The following PSD3 variants were observed in gnomAD, a reference collection of about 807,000 sequenced individuals.
The protein encoded by PSD3 is PH and SEC7 domain-containing protein 3.
Under a neutral mutation model 105.5 loss-of-function variants are expected in PSD3, and 49 were observed. The ratio of observed to expected loss-of-function variants is 0.46; its 90% confidence interval spans 0.37 to 0.59. The LOEUF (loss-of-function observed/expected upper bound fraction) is 0.59, where lower values mean the gene tolerates loss of function less well. Ranked by LOEUF, PSD3 falls within the 20% of genes least tolerant of loss-of-function variation. The probability of loss-of-function intolerance (pLI) is 0.00; values close to 1 mark genes in which losing one functional copy is unlikely to be tolerated. For missense variants in PSD3, 1,561 were observed against 1,263.8 expected (o/e 1.24, Z -3.57); for synonymous variants, 557 against 457.8 (o/e 1.22, Z -2.77).
intron 9 of PSD3, among the ~76,000 whole-genome samples, chr8:18,684,640 T>C (rs1800565595): frequency 6.6e-6 from 1 of 152,210 alleles, no homozygotes; most frequent in Non-Finnish European, 1.5e-5. Flanking sequence ...TCTTATGACC[T>C]TAGACTACGA....
At chr8:18,773,962 T>C (rs934165412) in intron 8 of PSD3, among the ~76,000 whole-genome samples, 6 of 152,218 alleles carry the variant, frequency 3.9e-5, no homozygotes, top group African/African-American at 1.4e-4. Context: ...GTTAAATTTA[T>C]TCTCTAATAT....
rs1168055052 is a variant in PSD3, at chr8:18,949,236, AAAAAAAAAATATATATATATATAT to A, written c.22-13118_22-13095del. On this transcript the variant is annotated intron_variant, in intron 1 of 15. Transcript: ENST00000327040. ...GACTCTGTCTCAAAAAAAAAAAAAA[AAAAAAAAAATATATATATATATAT>A]ATATATATATATATATATTTATAGT... Among the ~76,000 whole-genome samples the A allele has an allele frequency of 2.6e-4, 14 of 54,446 alleles. 2 individuals are homozygous for A. The highest frequency in any genetic ancestry group is 5.6e-4 in the Admixed American group (3 of 5,378). 35.7% of individuals were successfully genotyped at this position (54,446 alleles called of 152,430 possible).
chr8:18,960,505 A>G (rs1435246373), intron 1 of PSD3, among the ~76,000 whole-genome samples: 1 of 152,226 alleles, frequency 6.6e-6, no homozygotes, highest in Non-Finnish European at 1.5e-5. Context: ...CTGAATAAAA[A>G]CAAATCAAGA....
intron 1 of PSD3, among the ~76,000 whole-genome samples, chr8:18,942,943 T>C (rs1232079861): frequency 6.6e-6 from 1 of 152,080 alleles, no homozygotes; most frequent in South Asian, 2.1e-4. Context: ...AGGGTCTGGA[T>C]GAGAAGGTAT....
At chr8:19,033,244 T>A (rs986048873) in intron 1 of PSD3, among the ~76,000 whole-genome samples, 6 of 152,194 alleles carry the variant, frequency 3.9e-5, no homozygotes, top group Non-Finnish European at 8.8e-5. Flanking sequence ...ACCAACATTT[T>A]TTTTATGTGA....
intron 9 of PSD3, among the ~76,000 whole-genome samples, chr8:18,705,607 T>C (rs556483808): frequency 6.6e-6 from 1 of 150,530 alleles, no homozygotes; most frequent in Non-Finnish European, 1.5e-5. Context: ...GTGTAAATAT[T>C]AAAATTCTGT....
chr8:18,961,006 G>A (rs1242503685), intron 1 of PSD3, among the ~76,000 whole-genome samples: 3 of 152,022 alleles, frequency 2.0e-5, no homozygotes, highest in Admixed American at 2.0e-4. Flanking sequence ...GGATCTACAT[G>A]AACCCAGGGA....
In PSD3 at chr8:18,778,128, A is replaced by T. The variant is rs1808269458; in HGVS notation, c.2083-12590T>A. Among the ~76,000 whole-genome samples the T allele has an allele frequency of 2.0e-5, 3 of 152,320 alleles. No individual in the cohort carries two copies. The South Asian group carries it at 6.2e-4, about 32-fold the overall frequency. On this transcript the variant is annotated intron_variant, in intron 8 of 15. Coordinates refer to ENST00000327040, the MANE Select transcript of PSD3 (RefSeq NM_015310.4). ...AGGGATGCCCTATAACTCTGACATTAATTTCCTTCCATTTGGATAAAAACA... is the reference window on the plus strand; with the variant it reads ...AGGGATGCCCTATAACTCTGACATTTATTTCCTTCCATTTGGATAAAAACA...
intron 1 of PSD3, among the ~76,000 whole-genome samples, chr8:18,953,077 G>A (rs1036265500): frequency 6.6e-6 from 1 of 152,130 alleles, no homozygotes; most frequent in Non-Finnish European, 1.5e-5. Flanking sequence ...GACCATTTAA[G>A]AAACAGAAAT....
chr8:18,590,160 T>C (rs1255496513), intron 12 of PSD3, among the ~76,000 whole-genome samples: 1 of 152,216 alleles, frequency 6.6e-6, no homozygotes. Flanking sequence ...AGAATAATTC[T>C]TTCAATCTCA....
intron 2 of PSD3, among the ~76,000 whole-genome samples, chr8:18,915,949 G>T (rs1432452532): frequency 1.3e-5 from 2 of 151,844 alleles, no homozygotes; most frequent in Non-Finnish European, 2.9e-5. Context: ...TACAAAATTA[G>T]CCAGGCATGG....
chr8:18,740,964 T>A (rs1015533994), intron 9 of PSD3, among the ~76,000 whole-genome samples: 6 of 152,158 alleles, frequency 3.9e-5, no homozygotes, highest in Non-Finnish European at 7.3e-5. Flanking sequence ...AGAGGGCTTA[T>A]CTGACCCTCA....
chr8:18,716,537 G>C (rs1802612170), intron 9 of PSD3, among the ~76,000 whole-genome samples: 1 of 152,136 alleles, frequency 6.6e-6, no homozygotes, highest in Non-Finnish European at 1.5e-5. Context: ...CTGAAGCTTG[G>C]GCAGTGGGAG....
exon 1 of PSD3, chr8:19,084,434 C>G (rs1182571206): frequency 4.4e-6 from 2 of 456,038 alleles, no homozygotes; most frequent in Non-Finnish European, 8.8e-6. Context: ...CCAAGGCATC[C>G]CTGCATCGGG....
At chr8:18,749,319 G>A (rs575012872) in intron 9 of PSD3, among the ~76,000 whole-genome samples, 5 of 152,206 alleles carry the variant, frequency 3.3e-5, no homozygotes, top group South Asian at 4.2e-4. Context: ...AGCACCCATC[G>A]GAACTACGTT....
At position 18,558,212 on chromosome 8, in the gene PSD3, G is replaced by A. The variant is rs1801193044; in HGVS notation, c.2785-1860C>T. Among the ~76,000 whole-genome samples, 3 of 152,122 alleles carry A rather than the reference G, an allele frequency of 2.0e-5. No individual in the cohort carries two copies. The South Asian group carries it at 6.2e-4, about 32-fold the overall frequency. On this transcript the variant is annotated intron_variant, in intron 14 of 15. Coordinates refer to ENST00000327040, the MANE Select transcript of PSD3 (RefSeq NM_015310.4). The stretch of plus-strand genomic sequence containing the variant: ...TGAGCTAAGACAAACTATATCAATA[G>A]TTTTTATTTCTTTCAAAGTTGTTTT...
At chr8:18,909,092 C>A (rs1445875514) in intron 2 of PSD3, among the ~76,000 whole-genome samples, 1 of 152,208 alleles carries the variant, frequency 6.6e-6, no homozygotes, top group Admixed American at 6.5e-5. Context: ...AAAGGAATTA[C>A]ATTTCAGATA....
At chr8:18,586,740 A>AC (rs1197108095) in intron 12 of PSD3, among the ~76,000 whole-genome samples, 6 of 151,908 alleles carry the variant, frequency 3.9e-5, no homozygotes, top group Non-Finnish European at 4.4e-5. Flanking sequence ...AGGCAGTACT[A>AC]CCCCCCTCAT....
intron 11 of PSD3, among the ~76,000 whole-genome samples, chr8:18,616,816 G>A (rs1805722258): frequency 6.6e-6 from 1 of 151,068 alleles, no homozygotes; most frequent in Admixed American, 6.6e-5. Flanking sequence ...GTAGAGACGG[G>A]GTTTCACCGT....
Sources: gnomAD v4.1 joint callset for allele counts (sites outside exome capture counted in the v4.1 genomes callset) on GRCh38, gnomAD v4.1.1 for gene constraint, MANE v1.5 for transcripts, NCBI Gene and HGNC (gene_info 2026-07-23, HGNC 2026-07-21) for gene names.